TMEM244: variants seen among roughly 807,000 people sequenced by gnomAD.
TMEM244 encodes putative transmembrane protein 244.
Under a neutral mutation model 15.8 loss-of-function variants are expected in TMEM244, and 13 were observed. The observed-to-expected ratio is 0.82, with a 90% CI of 0.53 to 1.30. The LOEUF (loss-of-function observed/expected upper bound fraction) is 1.30, where lower values mean the gene tolerates loss of function less well. Ranked by LOEUF, TMEM244 falls within the 50% of genes most tolerant of loss-of-function variation. The pLI, the probability that TMEM244 is intolerant of heterozygous loss-of-function variation, is 0.00. For synonymous variants in TMEM244, 45 were observed against 48.7 expected, an observed-to-expected ratio of 0.92 and a Z score of 0.32; for missense variants, 161 against 144.9, an observed-to-expected ratio of 1.11 and a Z score of -0.57.
chr6:129,859,202 GT>G (rs1385366495), intron 1 of TMEM244, among the ~76,000 whole-genome samples: 1 of 152,148 alleles, frequency 6.6e-6, no homozygotes, highest in African/African-American at 2.4e-5. Flanking sequence ...TACTTTCTGA[GT>G]TTTGTTCTAC....
chr6:129,857,811 TAC>T (rs970330798), intron 1 of TMEM244, among the ~76,000 whole-genome samples: 4 of 150,058 alleles, frequency 2.7e-5, no homozygotes, highest in African/African-American at 9.8e-5. Context: ...TATATATATA[TAC>T]ACACATATAT....
chr6:129,839,913 C>A (rs1164358596), intron 3 of TMEM244, among the ~76,000 whole-genome samples: 3 of 152,154 alleles, frequency 2.0e-5, no homozygotes, highest in African/African-American at 7.2e-5. Context: ...CAAACCACTG[C>A]TCAATGAAAT....
intron 1 of TMEM244, among the ~76,000 whole-genome samples, chr6:129,858,097 T>C (rs1717120145): frequency 6.6e-6 from 1 of 152,132 alleles, no homozygotes. Flanking sequence ...CATGATGTTT[T>C]ATTTTTATGA....
intron 3 of TMEM244, among the ~76,000 whole-genome samples, chr6:129,835,565 G>A (rs913153905): frequency 1.3e-5 from 2 of 152,118 alleles, no homozygotes; most frequent in Admixed American, 6.6e-5. Flanking sequence ...GACAGTGGGT[G>A]CAGCCCATGG....
chr6:129,831,817 A>G (rs1258021326), intron 4 of TMEM244, among the ~76,000 whole-genome samples: 3 of 152,220 alleles, frequency 2.0e-5, no homozygotes, highest in Non-Finnish European at 2.9e-5. Flanking sequence ...AGCTCATTTC[A>G]ACCCTGAGGA....
intron 1 of TMEM244, among the ~76,000 whole-genome samples, chr6:129,860,549 T>C (rs541467489): frequency 6.6e-6 from 1 of 152,280 alleles, no homozygotes; most frequent in East Asian, 1.9e-4. Flanking sequence ...GATTTTCCAC[T>C]ATCATTCCCT....
chr6:129,842,127 G>A (rs1424153997), intron 3 of TMEM244, among the ~76,000 whole-genome samples: 1 of 152,112 alleles, frequency 6.6e-6, no homozygotes, highest in Non-Finnish European at 1.5e-5. Context: ...TCTCTGCTAT[G>A]AAAAAACACA....
chr6:129,842,675 A>G (rs1009809909), intron 3 of TMEM244, among the ~76,000 whole-genome samples: 4 of 152,072 alleles, frequency 2.6e-5, no homozygotes, highest in Admixed American at 2.6e-4. Flanking sequence ...AAGAGTAATT[A>G]CTGTATACAG....
intron 4 of TMEM244, among the ~76,000 whole-genome samples, chr6:129,832,853 T>C (rs1011793525): frequency 5.3e-5 from 8 of 152,188 alleles, no homozygotes; most frequent in African/African-American, 1.7e-4. Flanking sequence ...TGGTATTTAT[T>C]TTAAAATAAC....
At position 129,860,145 on chromosome 6, in the gene TMEM244, G is replaced by GTGTGTGTC. The variant is rs1407993279; in HGVS notation, c.33+1010_33+1011insGACACACA. Among the ~76,000 whole-genome samples, 350 of 129,154 alleles carry GTGTGTGTC rather than the reference G, an allele frequency of 2.7e-3. 1 individual carries two copies. Among genetic ancestry groups the GTGTGTGTC allele is most frequent in the South Asian group, 6.9e-3 (27 of 3,916 alleles). 84.7% of individuals were successfully genotyped at this position (129,154 alleles called of 152,430 possible). On this transcript the variant is annotated intron_variant, in intron 1 of 4. Coordinates refer to ENST00000368143, the MANE Select transcript of TMEM244 (RefSeq NM_001010876.2). Reference sequence around the variant, plus strand: ...TGTGTGTGTGTGTGTGTGTGTGTGTGTGTCTGTCTGTCTGGTCTGTGTAAG... The same window carrying GTGTGTGTC: ...TGTGTGTGTGTGTGTGTGTGTGTGTGTGTGTGTCTGTCTGTCTGTCTGGTCTGTGTAAG...
chr6:129,834,113 T>C (rs1457153816), intron 3 of TMEM244, among the ~76,000 whole-genome samples: 5 of 152,210 alleles, frequency 3.3e-5, no homozygotes, highest in African/African-American at 1.2e-4. Flanking sequence ...CTGATAACCA[T>C]GGATGAAAGA....
chr6:129,851,046 C>T (rs897771537), intron 1 of TMEM244, among the ~76,000 whole-genome samples: 3 of 152,124 alleles, frequency 2.0e-5, no homozygotes, highest in Non-Finnish European at 4.4e-5. Context: ...CTGTACCTCA[C>T]CACTATATGC....
At chr6:129,844,148 C>T (rs747808440) in intron 2 of TMEM244, among the ~76,000 whole-genome samples, 11 of 151,892 alleles carry the variant, frequency 7.2e-5, no homozygotes, top group Non-Finnish European at 1.2e-4. Context: ...TTAAAAAAAC[C>T]TGCTAAGCAG....
At chr6:129,832,380 G>C (rs1257408611) in intron 4 of TMEM244, among the ~76,000 whole-genome samples, 1 of 152,188 alleles carries the variant, frequency 6.6e-6, no homozygotes, top group Non-Finnish European at 1.5e-5. Flanking sequence ...TTACAGGCGT[G>C]AGCCACGGCA....
chr6:129,850,109 T>C (rs1776616213), intron 1 of TMEM244, among the ~76,000 whole-genome samples: 1 of 152,142 alleles, frequency 6.6e-6, no homozygotes, highest in African/African-American at 2.4e-5. Context: ...GAGCTGAGAC[T>C]CAAGCCCTGC....
chr6:129,858,774 A>G (rs1029512656), intron 1 of TMEM244, among the ~76,000 whole-genome samples: 4 of 151,576 alleles, frequency 2.6e-5, no homozygotes, highest in Non-Finnish European at 2.9e-5. Context: ...ATGGAAGACA[A>G]GACCACTATA....
chr6:129,833,525 A>G lies in TMEM244; in HGVS notation c.254T>C (p.Val85Ala). The G allele has an allele frequency of 6.2e-7, 1 of 1,613,338 alleles. No homozygotes were observed. Among genetic ancestry groups the G allele is most frequent in the Non-Finnish European group, 8.5e-7 (1 of 1,179,634 alleles). ...AGCATAATCCCAAACCCATTCTTCC[A>G]CAACTGGAACAAAAAACAATCCACA... ...FVCGLFFVPV[V>A]EEWVWDYAIS... The change falls in exon 4 of 5, where the codon GTG becomes GCG. Residue 85 changes from valine to alanine, a missense_variant. Val to Ala is a moderately conservative substitution (Grantham distance 64, BLOSUM62 0). Coordinates refer to ENST00000368143, the MANE Select transcript of TMEM244 (RefSeq NM_001010876.2).
At chr6:129,841,002 G>T (rs1019968852) in intron 3 of TMEM244, among the ~76,000 whole-genome samples, 1 of 152,128 alleles carries the variant, frequency 6.6e-6, no homozygotes, top group Non-Finnish European at 1.5e-5. Context: ...CAACCATTGC[G>T]GAAGACTGTG....
chr6:129,855,192 A>C (rs944355054), intron 1 of TMEM244, among the ~76,000 whole-genome samples: 5 of 152,196 alleles, frequency 3.3e-5, no homozygotes, highest in African/African-American at 1.2e-4. Context: ...GAGCAAATAT[A>C]ATCTTTTACT....
Sources: allele counts gnomAD v4.1 joint callset (sites outside exome capture counted in the v4.1 genomes callset), GRCh38; gene constraint gnomAD v4.1.1; transcripts MANE v1.5; gene names NCBI Gene and HGNC (gene_info 2026-07-23, HGNC 2026-07-21).